Variants in AGBL1 observed in about 807,000 individuals in gnomAD.
AGBL1 encodes the protein cytosolic carboxypeptidase 4.
In AGBL1, 130 loss-of-function variants were observed where a neutral mutation model predicts 118.9. The ratio of observed to expected loss-of-function variants is 1.09; its 90% CI spans 0.95 to 1.26. The LOEUF (loss-of-function observed/expected upper bound fraction) is 1.26. Ranked by LOEUF, AGBL1 falls within the 50% of genes most tolerant of loss-of-function variation. The pLI, the probability that AGBL1 is intolerant of heterozygous loss-of-function variation, is 0.00. For missense variants in AGBL1, 1,584 were observed against 1,298.1 expected (o/e 1.22, Z -3.38); for synonymous variants, 555 against 478.9 (o/e 1.16, Z -2.08).
At chr15:86,219,041 G>A (rs2078236081) in intron 5 of AGBL1, among the ~76,000 whole-genome samples, 1 of 152,218 alleles carries the variant, frequency 6.6e-6, no homozygotes, top group Non-Finnish European at 1.5e-5. Flanking sequence ...AATATGGGTG[G>A]CATTGCTATA....
chr15:86,620,653 A>C (rs925668550), intron 21 of AGBL1, among the ~76,000 whole-genome samples: 1 of 152,052 alleles, frequency 6.6e-6, no homozygotes, highest in Non-Finnish European at 1.5e-5. Context: ...CCTTTTATCA[A>C]TTTCCTACCT....
intron 21 of AGBL1, among the ~76,000 whole-genome samples, chr15:86,591,990 G>T (rs892656873): frequency 2.0e-5 from 3 of 152,094 alleles, no homozygotes; most frequent in African/African-American, 7.2e-5. Context: ...AGGAAATGAG[G>T]TCAAGGACCA....
intron 21 of AGBL1, among the ~76,000 whole-genome samples, chr15:86,558,900 G>A (rs2083774841): frequency 1.3e-5 from 2 of 152,170 alleles, no homozygotes; most frequent in African/African-American, 4.8e-5. Flanking sequence ...CCACAACTTG[G>A]ATGGCTTAAA....
intron 21 of AGBL1, among the ~76,000 whole-genome samples, chr15:86,625,930 C>T (rs192679654): frequency 1.1e-4 from 16 of 152,130 alleles, no homozygotes; most frequent in African/African-American, 3.6e-4. Flanking sequence ...GAAGCTGTAT[C>T]CCATTGGTGG....
Position 86,654,746 on chromosome 15 carries a change from C to G in AGBL1, c.2995-19527C>G, listed in dbSNP as rs547387545. 2.6e-4 allele frequency among the ~76,000 whole-genome samples: 40 copies of G among 152,154 alleles called. 1 individual carries two copies. Among genetic ancestry groups the G allele is most frequent in the Non-Finnish European group, 5.0e-4 (34 of 68,002 alleles). The stretch of plus-strand genomic sequence containing the variant: ...ACTGTGGTCATTGACCTCCCAGTCC[C>G]CTTCATGGTAAACCTTTTCTGATGA... On this transcript the variant is annotated intron_variant, in intron 21 of 22. Transcript: ENST00000614907.
intron 22 of AGBL1, among the ~76,000 whole-genome samples, chr15:86,877,001 C>G (rs568108234): frequency 1.3e-5 from 2 of 152,126 alleles, no homozygotes; most frequent in East Asian, 1.9e-4. Flanking sequence ...TTTCCCATTC[C>G]TGGTCTAGGA....
intron 22 of AGBL1, among the ~76,000 whole-genome samples, chr15:86,706,250 AAT>A (rs1469989369): frequency 5.9e-5 from 9 of 152,112 alleles, no homozygotes; most frequent in Admixed American, 1.3e-4. Flanking sequence ...TTATTGTCAC[AAT>A]AAAAACTTAA....
intron 22 of AGBL1, among the ~76,000 whole-genome samples, chr15:86,814,326 C>T (rs1302540321): frequency 6.6e-6 from 1 of 152,196 alleles, no homozygotes; most frequent in African/African-American, 2.4e-5. Flanking sequence ...GCCATTCCCT[C>T]CACTCTACCA....
At chr15:86,971,608 A>G (rs781638202) in intron 23 of AGBL1, among the ~76,000 whole-genome samples, 11 of 152,048 alleles carry the variant, frequency 7.2e-5, no homozygotes, top group Non-Finnish European at 1.3e-4. Context: ...AGCATCTAAT[A>G]TGTTACTAAG....
intron 17 of AGBL1, among the ~76,000 whole-genome samples, chr15:86,389,823 AC>A (rs1567231843): frequency 1.3e-5 from 2 of 152,178 alleles, no homozygotes; most frequent in African/African-American, 4.8e-5. Flanking sequence ...TGGGAAAAAA[AC>A]AATCAATCCA....
intron 21 of AGBL1, among the ~76,000 whole-genome samples, chr15:86,655,771 A>G (rs1194467122): frequency 2.0e-5 from 3 of 152,204 alleles, no homozygotes; most frequent in East Asian, 3.9e-4. Context: ...AAAGTGTACA[A>G]TTTGGATACA....
chr15:86,734,318 T>C (rs2077564141), intron 22 of AGBL1, among the ~76,000 whole-genome samples: 1 of 151,988 alleles, frequency 6.6e-6, no homozygotes, highest in Non-Finnish European at 1.5e-5. Context: ...ATAAGAAAAA[T>C]GGCTAGAGTG....
chr15:86,699,034 A>G (rs909077945), intron 22 of AGBL1, among the ~76,000 whole-genome samples: 2 of 152,078 alleles, frequency 1.3e-5, no homozygotes, highest in African/African-American at 4.8e-5. Context: ...TGAGGAGGTC[A>G]AAGTATTAAA....
At chr15:86,408,814 A>G (rs1838599930) in intron 18 of AGBL1, among the ~76,000 whole-genome samples, 1 of 152,164 alleles carries the variant, frequency 6.6e-6, no homozygotes, top group Non-Finnish European at 1.5e-5. Context: ...ATATTTAAAA[A>G]TGGGGAAAAT....
Position 86,169,432 on chromosome 15 carries a change from T to C in AGBL1, c.488+10406T>C, listed in dbSNP as rs576875128. 1.6e-3 allele frequency among the ~76,000 whole-genome samples: 249 copies of C among 152,234 alleles called. 1 individual carries two copies. Among genetic ancestry groups the C allele is most frequent in the African/African-American group, 5.3e-3 (219 of 41,546 alleles). ...GGAAAACCTCATGACTCATGGGACA[T>C]TGGATAAAGTACACAGGATTTTTCC... On this transcript the variant is annotated intron_variant, in intron 5 of 22. Coordinates refer to ENST00000614907, the MANE Select transcript of AGBL1 (RefSeq NM_001386094.1).
intron 22 of AGBL1, among the ~76,000 whole-genome samples, chr15:86,885,338 T>A (rs2079954863): frequency 6.6e-6 from 1 of 152,174 alleles, no homozygotes; most frequent in African/African-American, 2.4e-5. Context: ...TGGGGTAACC[T>A]CCCTCTGAAG....
intron 21 of AGBL1, among the ~76,000 whole-genome samples, chr15:86,600,751 G>A (rs77409300): frequency 1.6e-3 from 249 of 152,202 alleles, no homozygotes; most frequent in South Asian, 4.4e-3. Context: ...AACAATTCCC[G>A]AATCTGCTTT....
chr15:86,097,137 T>C (rs1275272687), intron 1 of AGBL1, among the ~76,000 whole-genome samples: 1 of 152,188 alleles, frequency 6.6e-6, no homozygotes, highest in Non-Finnish European at 1.5e-5. Context: ...GTATTCTAAA[T>C]GTTATTGGGA....
chr15:86,350,712 A>C (rs541079853), intron 17 of AGBL1, among the ~76,000 whole-genome samples: 136 of 152,336 alleles, frequency 8.9e-4, no homozygotes, highest in Non-Finnish European at 1.7e-3. Flanking sequence ...AAGTTTGGCT[A>C]TCAGAGCTAG....
Sources: allele counts gnomAD v4.1 joint callset (sites outside exome capture counted in the v4.1 genomes callset), GRCh38; gene constraint gnomAD v4.1.1; transcripts MANE v1.5; gene names NCBI Gene and HGNC (gene_info 2026-07-23, HGNC 2026-07-21).